Variants in FRMPD3 observed in about 807,000 individuals in gnomAD.
The protein encoded by FRMPD3 is FERM and PDZ domain-containing protein 3.
In FRMPD3, 42 loss-of-function variants were observed where a neutral mutation model predicts 97.9. The observed-to-expected ratio is 0.43, with a 90% CI of 0.34 to 0.55. The LOEUF is 0.55. Among genes scored for constraint, FRMPD3 ranks in the 20% least tolerant of loss-of-function variants. The pLI is 0.03. For synonymous variants in FRMPD3, 577 were observed against 581.1 expected, an observed-to-expected ratio of 0.99 and a Z score of 0.10; for missense variants, 1,303 against 1,457.7, an observed-to-expected ratio of 0.89 and a Z score of 1.73.
chrX:107,556,306 AT>A lies in FRMPD3; in HGVS notation c.762+1814del, dbSNP rs1279757811. On this transcript the variant is annotated intron_variant, in intron 8 of 14. Transcript: ENST00000683843. ...TGTGAATTTTGTAAGTTTAGTTCTCATTTTTTTTTTTTGCCCTGAATTTCTT... is the reference window on the plus strand; with the variant it reads ...TGTGAATTTTGTAAGTTTAGTTCTCATTTTTTTTTTTGCCCTGAATTTCTT... Among the ~76,000 whole-genome samples, 428 of 100,288 alleles carry A rather than the reference AT, an allele frequency of 4.3e-3. 1 individual carries two copies. Among genetic ancestry groups the A allele is most frequent in the African/African-American group, 0.011 (313 of 27,798 alleles). The allele number at this position is 100,288 out of a possible 115,157, so 87.1% of individuals were successfully genotyped here.
chrX:107,578,298 A>G (rs1172387154), intron 13 of FRMPD3, among the ~76,000 whole-genome samples: 1 of 111,728 alleles, frequency 9.0e-6, no homozygotes, highest in Admixed American at 9.5e-5. Context: ...TTGTCATCCC[A>G]TCAGCACCCT....
chrX:107,564,957 A>G lies in FRMPD3; in HGVS notation c.1187A>G (p.Lys396Arg). 1.7e-6 allele frequency: 2 copies of G among 1,210,213 alleles called. No individual in the cohort carries two copies. Among genetic ancestry groups the G allele is most frequent in the Non-Finnish European group, 2.2e-6 (2 of 895,089 alleles). The change falls in exon 12 of 15, where the codon AAA (lysine) becomes AGA (arginine). Residue 396 changes from lysine to arginine, a missense_variant. By Grantham distance (26) the Lys-to-Arg change is conservative. Around this residue, in one of 3 missense-constraint regions of FRMPD3, gnomAD observed 535 missense variants for 618.6 expected, o/e 0.86. Coordinates refer to ENST00000683843, the MANE Select transcript of FRMPD3 (RefSeq NM_001388459.1). ...GGCATCAGCCATGTTATTGACCTCA[A>G]AACCAACCTCACCACTGTGCTGTCC... is the stretch of plus-strand genomic sequence containing the variant. ...RHGISHVIDLKTNLTTVLSEF... is the reference protein window; with the variant it reads ...RHGISHVIDLRTNLTTVLSEF...
intron 4 of FRMPD3, among the ~76,000 whole-genome samples, chrX:107,541,335 T>A (rs1337007784): frequency 8.9e-6 from 1 of 112,294 alleles, no homozygotes; most frequent in Non-Finnish European, 1.9e-5. Flanking sequence ...CTCACCTGTG[T>A]CTGAGCATAA....
In FRMPD3 at chrX:107,597,692, G is replaced by A. The variant is rs767017588; in HGVS notation, c.1813G>A (p.Ala605Thr). 1 of 1,209,988 alleles carries A rather than the reference G, an allele frequency of 8.3e-7. No individual in the cohort carries two copies. Among genetic ancestry groups the A allele is most frequent in the Admixed American group, 2.2e-5 (1 of 45,919 alleles). ...CTACACCTTGGACAATTCCCTTGGG[G>A]CTGAAGCCCTGAATTTCTACTGTGA... ...RSYTLDNSLG[A>T]EALNFYCDSC... Residue 605 changes from alanine to threonine, a missense_variant, in exon 14 of 15, where the codon GCT becomes ACT. Physicochemically the swap from Ala to Thr is moderately conservative, Grantham distance 58 (BLOSUM62 0). Transcript: ENST00000683843.
In FRMPD3 at chrX:107,487,090, CA is replaced by C. The variant is rs372795639; in HGVS notation, c.-8+37100del. ...TGAAACCCCATCTCTACTAAAAATACAAAAAAAAAAAAAAATAACTGAGCGT... is the reference window on the plus strand; with the variant it reads ...TGAAACCCCATCTCTACTAAAAATACAAAAAAAAAAAAAATAACTGAGCGT... On this transcript the variant is annotated intron_variant, in intron 1 of 14. Coordinates refer to ENST00000683843, the MANE Select transcript of FRMPD3 (RefSeq NM_001388459.1). 9.9e-3 allele frequency among the ~76,000 whole-genome samples: 667 copies of C among 67,445 alleles called. 1 individual carries two copies. Among genetic ancestry groups the C allele is most frequent in the Middle Eastern group, 0.022 (3 of 138 alleles). The allele number at this position is 67,445 out of a possible 115,157, so 58.6% of individuals were successfully genotyped here.
intron 1 of FRMPD3, 115 bp from the exon 2 acceptor site, chrX:107,526,467 A>G: frequency 1.8e-6 from 1 of 561,948 alleles, no homozygotes; most frequent in Non-Finnish European, 2.7e-6. Flanking sequence ...GTAGGAAGCT[A>G]AGCTGTAAAC....
chrX:107,459,281 A>T (rs1931426019), intron 1 of FRMPD3, among the ~76,000 whole-genome samples: 1 of 112,404 alleles, frequency 8.9e-6, no homozygotes, highest in Admixed American at 9.3e-5. Context: ...AGCTGGTAAG[A>T]GTGAGGAAAC....
At chrX:107,462,976 C>T (rs763964152) in intron 1 of FRMPD3, among the ~76,000 whole-genome samples, 1 of 112,178 alleles carries the variant, frequency 8.9e-6, no homozygotes, top group East Asian at 2.8e-4. Context: ...GCTCCAGGCG[C>T]AGCTCAGGGT....
chrX:107,603,132 G>A lies in FRMPD3; in HGVS notation c.5093G>A (p.Arg1698Lys), dbSNP rs1486024877. Reference protein sequence around the residue: ...ELLAKVEEVVRNYTFLLRAAE... With the variant: ...ELLAKVEEVVKNYTFLLRAAE... ...CTGGCCAAGGTAGAAGAGGTGGTGA[G>A]GAACTACACCTTCCTGCTGCGTGCA... The change falls in exon 15 of 15, where the codon AGG becomes AAG. Residue 1698 changes from arginine to lysine, a missense_variant. Transcript: ENST00000683843. The A allele has an allele frequency of 1.1e-5, 13 of 1,194,705 alleles. No individual in the cohort carries two copies. The highest frequency in any genetic ancestry group is 1.5e-5 in the Non-Finnish European group (13 of 888,987).
intron 1 of FRMPD3, among the ~76,000 whole-genome samples, chrX:107,524,773 G>A (rs1231752100): frequency 1.8e-5 from 2 of 110,689 alleles, no homozygotes; most frequent in African/African-American, 6.6e-5. Context: ...CGGGTGGATC[G>A]CCTGAGGTCG....
intron 1 of FRMPD3, among the ~76,000 whole-genome samples, chrX:107,492,305 T>C (rs763251854): frequency 3.6e-5 from 4 of 111,762 alleles, no homozygotes; most frequent in Non-Finnish European, 7.5e-5. Flanking sequence ...TGCAGAGCTA[T>C]TAACTAGCTG....
intron 4 of FRMPD3, among the ~76,000 whole-genome samples, chrX:107,542,322 G>T (rs1921349029): frequency 8.9e-6 from 1 of 112,193 alleles, no homozygotes; most frequent in Admixed American, 9.4e-5. Flanking sequence ...TATATTGTCT[G>T]CTGCCAACAA....
At chrX:107,555,547 C>T (rs886496090) in intron 8 of FRMPD3, among the ~76,000 whole-genome samples, 6 of 111,746 alleles carry the variant, frequency 5.4e-5, no homozygotes, top group Non-Finnish European at 7.5e-5. Flanking sequence ...CAGGGGATTC[C>T]GATGCCCAAA....
At chrX:107,461,665 G>A (rs1931473962) in intron 1 of FRMPD3, among the ~76,000 whole-genome samples, 1 of 110,671 alleles carries the variant, frequency 9.0e-6, no homozygotes, top group African/African-American at 3.3e-5. Context: ...CCCTGCTCAA[G>A]AACCTATAAT....
At position 107,603,484 on chromosome X, in the gene FRMPD3, C is replaced by G. The variant is rs1210201202; in HGVS notation, c.*111C>G. 3 of 1,089,176 alleles carry G rather than the reference C, an allele frequency of 2.8e-6. No homozygotes were observed. The highest frequency in any genetic ancestry group is 2.4e-6 in the Non-Finnish European group (2 of 836,590). 89.8% of individuals were successfully genotyped at this position (1,089,176 alleles called of 1,213,427 possible). A position where few individuals can be genotyped will look rare whatever the true frequency, so the allele number is the denominator to read the frequency against. ...TGTGTCTGCTGGGCCAGTCAGGGTC[C>G]AAGAGCCCATCAGTCTCCGGGGAGT... On this transcript the variant is annotated 3_prime_UTR_variant, in exon 15 of 15. Coordinates refer to ENST00000683843, the MANE Select transcript of FRMPD3 (RefSeq NM_001388459.1).
chrX:107,554,852 T>C (rs2147587289), intron 8 of FRMPD3: 1 of 199,564 alleles, frequency 5.0e-6, no homozygotes, highest in South Asian at 1.2e-4. Context: ...CAGTATGAGA[T>C]GATTCCCAAT....
intron 1 of FRMPD3, among the ~76,000 whole-genome samples, chrX:107,475,028 AG>A (rs1375302122): frequency 4.5e-5 from 5 of 111,796 alleles, no homozygotes; most frequent in Admixed American, 3.8e-4. Flanking sequence ...CACCTCCAAC[AG>A]GGGGACCAGC....
intron 2 of FRMPD3, among the ~76,000 whole-genome samples, chrX:107,528,951 G>C (rs1320467670): frequency 8.8e-6 from 1 of 113,286 alleles, no homozygotes; most frequent in East Asian, 2.8e-4. Flanking sequence ...CTGTGCTCAA[G>C]TGATGTATTT....
At chrX:107,479,095 T>C (rs1400084023) in intron 1 of FRMPD3, among the ~76,000 whole-genome samples, 1 of 112,811 alleles carries the variant, frequency 8.9e-6, no homozygotes, top group East Asian at 2.8e-4. Flanking sequence ...AGAACCTGTT[T>C]CGTGGCCTTT....
Sources: gnomAD v4.1 joint callset for allele counts (sites outside exome capture counted in the v4.1 genomes callset) on GRCh38, gnomAD v4.1.1 for gene constraint, gnomAD v4.1.1 regional missense constraint, MANE v1.5 for transcripts, NCBI Gene and HGNC (gene_info 2026-07-23, HGNC 2026-07-21) for gene names.